The following TMEM132D variants were observed in gnomAD, a reference collection of about 807,000 sequenced individuals.
The protein encoded by TMEM132D is transmembrane protein 132D.
Under a neutral mutation model 62.3 loss-of-function variants are expected in TMEM132D, and 21 were observed. That is an observed-to-expected ratio of 0.34 (90% CI 0.24 to 0.49). The LOEUF is 0.49. Among genes scored for constraint, TMEM132D ranks in the 20% least tolerant of loss-of-function variants. The probability of loss-of-function intolerance (pLI) is 0.99; values close to 1 mark genes in which losing one functional copy is unlikely to be tolerated. For synonymous variants in TMEM132D, 621 were observed against 575.6 expected, an observed-to-expected ratio of 1.08 and a Z score of -1.13; for missense variants, 1,346 against 1,402.8, an observed-to-expected ratio of 0.96 and a Z score of 0.65.
intron 5 of TMEM132D, among the ~76,000 whole-genome samples, chr12:129,179,082 C>T (rs978032195): frequency 4.6e-5 from 7 of 152,186 alleles, no homozygotes; most frequent in Middle Eastern, 3.4e-3. Flanking sequence ...GCTTGGGGAC[C>T]GTAGACAAAC....
intron 5 of TMEM132D, among the ~76,000 whole-genome samples, chr12:129,123,293 T>C (rs931593026): frequency 1.3e-5 from 2 of 152,234 alleles, no homozygotes; most frequent in Non-Finnish European, 2.9e-5. Flanking sequence ...ATGATGCTTA[T>C]AGAATTTTCC....
intron 2 of TMEM132D, among the ~76,000 whole-genome samples, chr12:129,683,630 G>A (rs1880838721): frequency 6.6e-6 from 1 of 152,134 alleles, no homozygotes; most frequent in Non-Finnish European, 1.5e-5. Context: ...TGTCTACATG[G>A]ACAGATGACA....
intron 3 of TMEM132D, among the ~76,000 whole-genome samples, chr12:129,509,629 AC>A (rs1875440303): frequency 6.6e-6 from 1 of 151,906 alleles, no homozygotes; most frequent in African/African-American, 2.4e-5. Context: ...GCCCCCAACT[AC>A]CTTTCCCAGC....
At chr12:129,239,837 A>G (rs1292118979) in intron 4 of TMEM132D, among the ~76,000 whole-genome samples, 1 of 152,188 alleles carries the variant, frequency 6.6e-6, no homozygotes, top group African/African-American at 2.4e-5. Context: ...ATACTTTACA[A>G]TGCTTCAAGT....
chr12:129,247,970 ATAAG>A (rs1880166659), intron 4 of TMEM132D, among the ~76,000 whole-genome samples: 1 of 152,152 alleles, frequency 6.6e-6, no homozygotes, highest in South Asian at 2.1e-4. Context: ...ACCTTAATAG[ATAAG>A]TAAGGTTGCA....
chr12:129,360,245 C>G (rs1165952638), intron 3 of TMEM132D, among the ~76,000 whole-genome samples: 1 of 152,072 alleles, frequency 6.6e-6, no homozygotes, highest in Non-Finnish European at 1.5e-5. Flanking sequence ...AGAGACATAC[C>G]CCACAACCTC....
chr12:129,901,198 C>A (rs751895722), intron 1 of TMEM132D, among the ~76,000 whole-genome samples: 62 of 152,132 alleles, frequency 4.1e-4, no homozygotes, highest in Non-Finnish European at 8.8e-5. Flanking sequence ...TGTTTACTTT[C>A]AATTAAAATC....
At chr12:129,518,483 C>CT (rs1008174302) in intron 3 of TMEM132D, among the ~76,000 whole-genome samples, 16 of 151,066 alleles carry the variant, frequency 1.1e-4, no homozygotes, top group African/African-American at 4.9e-5. Flanking sequence ...CACTTTTAGC[C>CT]TCTTGACTAT....
At chr12:129,577,825 A>T (rs1400272775) in intron 2 of TMEM132D, among the ~76,000 whole-genome samples, 1 of 152,158 alleles carries the variant, frequency 6.6e-6, no homozygotes, top group Non-Finnish European at 1.5e-5. Context: ...CTGTAGAGAG[A>T]GAGAATAGTT....
chr12:129,440,096 T>C (rs1228346193), intron 3 of TMEM132D, among the ~76,000 whole-genome samples: 1 of 152,190 alleles, frequency 6.6e-6, no homozygotes, highest in African/African-American at 2.4e-5. Context: ...CCAACCTCTG[T>C]TGTCATGAGC....
chr12:129,648,072 C>A (rs2137180750), intron 2 of TMEM132D, among the ~76,000 whole-genome samples: 1 of 152,262 alleles, frequency 6.6e-6, no homozygotes, highest in Admixed American at 6.5e-5. Context: ...GCATTTTTCA[C>A]AAGATTATAA....
At chr12:129,661,538 A>G (rs1316734502) in intron 2 of TMEM132D, among the ~76,000 whole-genome samples, 1 of 152,202 alleles carries the variant, frequency 6.6e-6, no homozygotes, top group African/African-American at 2.4e-5. Flanking sequence ...AAACTTCTGT[A>G]AAGACCTAAC....
At chr12:129,840,617 G>C (rs902324338) in intron 1 of TMEM132D, 1 of 152,154 alleles carries the variant, frequency 6.6e-6, no homozygotes, top group African/African-American at 2.4e-5. Flanking sequence ...AAAAAGCCCA[G>C]GGCGGGGGCT....
chr12:129,243,698 TC>T (rs1441219227), intron 4 of TMEM132D, among the ~76,000 whole-genome samples: 6 of 152,358 alleles, frequency 3.9e-5, no homozygotes, highest in African/African-American at 1.4e-4. Context: ...TGATTTCAAT[TC>T]TTGTAAAGGC....
intron 2 of TMEM132D, among the ~76,000 whole-genome samples, chr12:129,575,176 A>G (rs889112763): frequency 6.6e-6 from 1 of 151,828 alleles, no homozygotes; most frequent in Non-Finnish European, 1.5e-5. Flanking sequence ...TCTTTTCTCT[A>G]GCTTACTTGA....
intron 4 of TMEM132D, among the ~76,000 whole-genome samples, chr12:129,269,966 G>A (rs1880808776): frequency 6.6e-6 from 1 of 152,168 alleles, no homozygotes; most frequent in East Asian, 1.9e-4. Context: ...GATTCCATCT[G>A]ATGGGTGAGT....
chr12:129,177,636 T>C (rs1877941912), intron 5 of TMEM132D, among the ~76,000 whole-genome samples: 2 of 152,128 alleles, frequency 1.3e-5, no homozygotes, highest in Non-Finnish European at 2.9e-5. Context: ...TGTGTACCTA[T>C]AGTTCCAGCT....
At chr12:129,623,632 GGTGT>G (rs769456003) in intron 2 of TMEM132D, among the ~76,000 whole-genome samples, 2 of 148,532 alleles carry the variant, frequency 1.3e-5, no homozygotes, top group African/African-American at 2.5e-5. Context: ...AGTATTCCAT[GGTGT>G]GTGTGTGTAT....
intron 2 of TMEM132D, among the ~76,000 whole-genome samples, chr12:129,649,937 T>C (rs1424277519): frequency 2.0e-5 from 3 of 147,850 alleles, no homozygotes; most frequent in African/African-American, 7.7e-5. Context: ...TGTTTATGTA[T>C]GTGTGTGTGT....
Sources: allele counts gnomAD v4.1 joint callset (sites outside exome capture counted in the v4.1 genomes callset), GRCh38; gene constraint gnomAD v4.1.1; transcripts MANE v1.5; gene names NCBI Gene and HGNC (gene_info 2026-07-23, HGNC 2026-07-21).